Variants in SPTBN1 observed in about 807,000 individuals in gnomAD.
The protein encoded by SPTBN1 is spectrin beta, non-erythrocytic 1.
In SPTBN1, 32 loss-of-function variants were observed where a neutral mutation model predicts 266.4. That is an observed-to-expected ratio of 0.12 (90% CI 0.09 to 0.16). SPTBN1 has a LOEUF of 0.16. SPTBN1 is among the 10% of genes least tolerant of loss of function. SPTBN1 has a pLI of 1.00. For missense variants in SPTBN1, 2,296 were observed against 3,067.1 expected (o/e 0.75, Z 5.94); for synonymous variants, 1,336 against 1,162.2 (o/e 1.15, Z -3.04).
Position 54,668,640 on chromosome 2 carries a change from A to C in SPTBN1, c.*71A>C. On this transcript the variant is annotated 3_prime_UTR_variant, in exon 36 of 36. Transcript: ENST00000356805. ...ATTCCAGCATGCAAGCTCAGAACCA[A>C]CACATTACTCTCTGTGCCTAATGTT... The C allele has an allele frequency of 7.5e-7, 1 of 1,331,958 alleles. No homozygotes were observed. The highest frequency in any genetic ancestry group is 1.0e-6 in the Non-Finnish European group (1 of 978,758). The allele number at this position is 1,331,958 out of a possible 1,614,324, so 82.5% of individuals were successfully genotyped here.
At position 54,629,477 on chromosome 2, in the gene SPTBN1, T is replaced by C. The variant is rs138538363; in HGVS notation, c.2343T>C (p.Ser781=). 2.1e-5 allele frequency: 34 copies of C among 1,614,012 alleles called. No individual in the cohort carries two copies. Among genetic ancestry groups the C allele is most frequent in the Non-Finnish European group, 2.6e-5 (31 of 1,180,040 alleles). Residue 781 remains serine, a synonymous_variant, in exon 14 of 36, where the codon TCT becomes TCC. Transcript: ENST00000356805. ...DVGHDEYSTQ[S]LVKKHKDVAE... Reference sequence around the variant, plus strand: ...GCCACGATGAGTATTCCACACAGTCTCTGGTCAAGAAACACAAGGACGTGG... The same window carrying C: ...GCCACGATGAGTATTCCACACAGTCCCTGGTCAAGAAACACAAGGACGTGG...
chr2:54,652,558 C>A (rs1047004319), intron 26 of SPTBN1: 1 of 152,212 alleles, frequency 6.6e-6, no homozygotes, highest in East Asian at 1.9e-4. Context: ...ATGCATATTT[C>A]GTATCCTAAA....
chr2:54,555,674 C>T (rs1473371963), intron 2 of SPTBN1, among the ~76,000 whole-genome samples: 1 of 152,152 alleles, frequency 6.6e-6, no homozygotes, highest in Non-Finnish European at 1.5e-5. Flanking sequence ...GGCTCCAGAC[C>T]AGGCTTAGTT....
Position 54,655,268 on chromosome 2 carries a change from TTA to T in SPTBN1, c.5961+64_5961+65del, listed in dbSNP as rs898715016. 3.8e-6 allele frequency: 6 copies of T among 1,594,652 alleles called. No individual in the cohort carries two copies. In the African/African-American group the frequency reaches 6.7e-5, roughly 18 times the overall value. On this transcript the variant is annotated intron_variant, in intron 28 of 35. Transcript: ENST00000356805. The stretch of plus-strand genomic sequence containing the variant: ...CGTCAAGATGTAAAATGACTTTGTT[TTA>T]TATGTTTGTGTGTGTCAGAGATACT...
At chr2:54,568,417 C>A (rs1305404901) in intron 2 of SPTBN1, among the ~76,000 whole-genome samples, 1 of 149,570 alleles carries the variant, frequency 6.7e-6, no homozygotes, top group East Asian at 2.0e-4. Flanking sequence ...TGCCTTCTAA[C>A]TCCTATGAAC....
At chr2:54,623,366 C>A in intron 9 of SPTBN1, 113 bp from the exon 10 acceptor site, 2 of 907,106 alleles carry the variant, frequency 2.2e-6, no homozygotes. Context: ...ACTGATGTCT[C>A]TTTGACATGC....
In SPTBN1 at chr2:54,664,762, G is replaced by A. The variant is rs1037779427; in HGVS notation, c.6659+71G>A. The A allele has an allele frequency of 8.9e-6, 13 of 1,458,248 alleles. No individual in the cohort carries two copies. Among genetic ancestry groups the A allele is most frequent in the Non-Finnish European group, 1.2e-5 (13 of 1,057,204 alleles). The allele number at this position is 1,458,248 out of a possible 1,614,324, so 90.3% of individuals were successfully genotyped here. A position where few individuals can be genotyped will look rare whatever the true frequency, so the allele number is the denominator to read the frequency against. ...TGAAGGGATAAGGCGGGCCACTCTT[G>A]AATTGGAAGAGAAGTATGTGCTCAT... is the stretch of plus-strand genomic sequence containing the variant. On this transcript the variant is annotated intron_variant, in intron 33 of 35. Transcript: ENST00000356805. The surrounding 1 kb of genome is among the most constrained non-coding windows in gnomAD (Gnocchi z 5.6).
chr2:54,612,153 G>C lies in SPTBN1; in HGVS notation c.301-8G>C, dbSNP rs373908857. 1 of 1,583,194 alleles carries C rather than the reference G, an allele frequency of 6.3e-7. No homozygotes were observed. The highest frequency in any genetic ancestry group is 8.6e-7 in the Non-Finnish European group (1 of 1,160,674). ...GATGTGTCTCTACCTCTGCTCTCCTGTTTCTAGCCTAAACCCACCAAGGGA... is the reference window on the plus strand; with the variant it reads ...GATGTGTCTCTACCTCTGCTCTCCTCTTTCTAGCCTAAACCCACCAAGGGA... On this transcript the variant is annotated splice_polypyrimidine_tract_variant and splice_region_variant and intron_variant, in intron 3 of 35. Coordinates refer to ENST00000356805, the MANE Select transcript of SPTBN1 (RefSeq NM_003128.3).
intron 32 of SPTBN1, chr2:54,662,813 C>A (rs1345475925): frequency 6.6e-6 from 1 of 152,220 alleles, no homozygotes; most frequent in East Asian, 1.9e-4. Context: ...TTTAAGTAGT[C>A]TGTTGCTCAT....
chr2:54,628,679 G>T lies in SPTBN1; in HGVS notation c.1799-254G>T, dbSNP rs893862133. Among the ~76,000 whole-genome samples the T allele has an allele frequency of 8.5e-5, 13 of 152,142 alleles. No homozygotes were observed. Among genetic ancestry groups the T allele is most frequent in the Non-Finnish European group, 1.3e-4 (9 of 68,024 alleles). On this transcript the variant is annotated intron_variant, in intron 13 of 35. Coordinates refer to ENST00000356805, the MANE Select transcript of SPTBN1 (RefSeq NM_003128.3). This position sits in a 1 kb window ranked among gnomAD's most constrained non-coding sequence, Gnocchi z 4.3. ...CAGCTGCCTTTTTCATATGATTCAAGTGCTTTCTTGCAGGAGGATGATCAC... is the reference window on the plus strand; with the variant it reads ...CAGCTGCCTTTTTCATATGATTCAATTGCTTTCTTGCAGGAGGATGATCAC...
intron 2 of SPTBN1, among the ~76,000 whole-genome samples, chr2:54,542,703 G>A (rs1672006161): frequency 6.6e-6 from 1 of 152,168 alleles, no homozygotes; most frequent in Non-Finnish European, 1.5e-5. Flanking sequence ...AGGCCCTGAA[G>A]CTGAGATTGT....
intron 1 of SPTBN1, among the ~76,000 whole-genome samples, chr2:54,464,525 G>C (rs1170401617): frequency 1.3e-5 from 2 of 152,148 alleles, no homozygotes; most frequent in African/African-American, 2.4e-5. Flanking sequence ...AGGTTGATGG[G>C]TGATTTCCTC....
chr2:54,481,440 GTTTTGTTT>G (rs1668101245), intron 1 of SPTBN1, among the ~76,000 whole-genome samples: 1 of 73,856 alleles, frequency 1.4e-5, no homozygotes, highest in African/African-American at 7.6e-5. Context: ...GTGTGTGTGT[GTTTTGTTT>G]TGTTTGTTTG....
chr2:54,659,349 T>C, intron 31 of SPTBN1, 83 bp downstream of exon 31: 1 of 1,328,508 alleles, frequency 7.5e-7, no homozygotes, highest in Non-Finnish European at 1.1e-6. Context: ...AAGCCTTGCA[T>C]TGCTAGGCCT....
At chr2:54,607,448 C>T (rs543254159) in intron 3 of SPTBN1, among the ~76,000 whole-genome samples, 8 of 152,212 alleles carry the variant, frequency 5.3e-5, no homozygotes, top group South Asian at 2.1e-4. Flanking sequence ...CATGGTGAAA[C>T]GCCATCTCTA....
At chr2:54,651,984 A>G (rs1680323484) in intron 26 of SPTBN1, among the ~76,000 whole-genome samples, 2 of 152,050 alleles carry the variant, frequency 1.3e-5, no homozygotes, top group Non-Finnish European at 2.9e-5. Context: ...ACCTCCCCAC[A>G]AGCCCTACTG....
chr2:54,503,286 A>G (rs992586709), intron 1 of SPTBN1, among the ~76,000 whole-genome samples: 3 of 152,204 alleles, frequency 2.0e-5, no homozygotes, highest in South Asian at 2.1e-4. Context: ...TCAGCACACT[A>G]TGTCAGCCAG....
intron 3 of SPTBN1, among the ~76,000 whole-genome samples, chr2:54,611,763 CCT>C (rs1677232759): frequency 6.6e-6 from 1 of 152,088 alleles, no homozygotes. Flanking sequence ...AGGTGGCAAA[CCT>C]AATTTTACAT....
intron 1 of SPTBN1, among the ~76,000 whole-genome samples, chr2:54,483,104 A>T (rs1472873887): frequency 1.3e-5 from 2 of 152,148 alleles, no homozygotes; most frequent in Non-Finnish European, 2.9e-5. Context: ...CCTGGAAGGG[A>T]ACCGAAGCCT....
Sources: gnomAD v4.1 joint callset for allele counts (sites outside exome capture counted in the v4.1 genomes callset) on GRCh38, gnomAD v4.1.1 for gene constraint, Gnocchi (gnomAD v3.1) non-coding constraint, MANE v1.5 for transcripts, NCBI Gene and HGNC (gene_info 2026-07-23, HGNC 2026-07-21) for gene names.